RANBP17: variants seen among roughly 807,000 people sequenced by gnomAD.
The protein encoded by RANBP17 is RAN binding protein 17, also known as ran-binding protein 17.
Under a neutral mutation model 141.2 loss-of-function variants are expected in RANBP17, and 158 were observed. That is an observed-to-expected ratio of 1.12 (90% CI 0.98 to 1.28). The LOEUF is 1.28. Among genes scored for constraint, RANBP17 ranks in the 50% most tolerant of loss-of-function variants. The pLI, the probability that RANBP17 is intolerant of heterozygous loss-of-function variation, is 0.00. For synonymous variants in RANBP17, 430 were observed against 450.0 expected, an observed-to-expected ratio of 0.96 and a Z score of 0.56; for missense variants, 1,438 against 1,290.7, an observed-to-expected ratio of 1.11 and a Z score of -1.75.
At chr5:171,201,316 T>C (rs1762284745) in intron 19 of RANBP17, among the ~76,000 whole-genome samples, 1 of 152,214 alleles carries the variant, frequency 6.6e-6, no homozygotes, top group African/African-American at 2.4e-5. Flanking sequence ...GCAAGTTTGA[T>C]GCATGATAAC....
At chr5:171,017,704 G>T (rs933122396) in intron 14 of RANBP17, among the ~76,000 whole-genome samples, 34 of 152,170 alleles carry the variant, frequency 2.2e-4, no homozygotes, top group Admixed American at 2.0e-3. Context: ...TCTATAGGTT[G>T]CCTGTTGACT....
In RANBP17 at chr5:171,183,390, C is replaced by G. The variant is rs1581809592; in HGVS notation, c.1998C>G (p.Thr666=). The change falls in exon 18 of 28, where the codon ACC becomes ACG. Residue 666 remains threonine, a synonymous_variant. Transcript: ENST00000523189. ...HSLSDFRCRT[T]FYTALTRLLM... ...TCAGCGACTTCAGGTGTCGAACAAC[C>G]TTCTACACAGCGCTCACTCGCCTTC... 6.2e-7 allele frequency: 1 copy of G among 1,613,826 alleles called. No individual in the cohort carries two copies. The highest frequency in any genetic ancestry group is 1.1e-5 in the South Asian group (1 of 91,052).
chr5:170,864,971 G>T (rs983469171), intron 1 of RANBP17, among the ~76,000 whole-genome samples: 11 of 152,178 alleles, frequency 7.2e-5, no homozygotes, highest in Non-Finnish European at 1.5e-5. Context: ...CTTCTGTATG[G>T]CAGGCACTGG....
At chr5:170,968,998 A>G (rs1776795594) in intron 14 of RANBP17, among the ~76,000 whole-genome samples, 1 of 151,806 alleles carries the variant, frequency 6.6e-6, no homozygotes, top group African/African-American at 2.4e-5. Context: ...CTTCGCCATA[A>G]GAAGTTCTAA....
chr5:170,892,395 A>G lies in RANBP17; in HGVS notation c.265A>G (p.Ile89Val). The G allele has an allele frequency of 6.2e-7, 1 of 1,607,844 alleles. No homozygotes were observed. Among genetic ancestry groups the G allele is most frequent in the Non-Finnish European group, 8.5e-7 (1 of 1,177,584 alleles). ...VEQRMDIRNYILNYVASQPKL... is the reference protein window; with the variant it reads ...VEQRMDIRNYVLNYVASQPKL... ...GAGTGTTTTCTTTGTAGGAAACTAC[A>G]TTCTGAATTACGTGGCATCACAGCC... The change falls in exon 4 of 28, where the codon ATT becomes GTT. Residue 89 changes from isoleucine to valine, a missense_variant. By Grantham distance (29) the Ile-to-Val change is conservative. Coordinates refer to ENST00000523189, the MANE Select transcript of RANBP17 (RefSeq NM_022897.5).
At chr5:170,938,405 A>T (rs1347425213) in intron 12 of RANBP17, among the ~76,000 whole-genome samples, 2 of 152,228 alleles carry the variant, frequency 1.3e-5, no homozygotes, top group African/African-American at 2.4e-5. Flanking sequence ...TAGTAAACAA[A>T]AACAATAAAA....
At chr5:171,159,767 C>G (rs942697362) in intron 14 of RANBP17, among the ~76,000 whole-genome samples, 5 of 151,442 alleles carry the variant, frequency 3.3e-5, no homozygotes, top group Non-Finnish European at 5.9e-5. Context: ...TAAAAAAATA[C>G]AAAAACTTAG....
chr5:170,923,099 TTTC>T (rs1476239234), intron 11 of RANBP17, among the ~76,000 whole-genome samples: 1 of 152,194 alleles, frequency 6.6e-6, no homozygotes, highest in Non-Finnish European at 1.5e-5. Flanking sequence ...CACAGAGATT[TTTC>T]TTTTATTTTC....
chr5:170,874,454 G>C (rs1001662032), intron 1 of RANBP17, among the ~76,000 whole-genome samples: 11 of 152,176 alleles, frequency 7.2e-5, no homozygotes, highest in African/African-American at 2.7e-4. Context: ...CTATTATTGT[G>C]TGGGAGTCTA....
intron 18 of RANBP17, among the ~76,000 whole-genome samples, chr5:171,198,117 T>C (rs970977367): frequency 6.6e-6 from 1 of 152,204 alleles, no homozygotes; most frequent in African/African-American, 2.4e-5. Context: ...AAAGCTTAGC[T>C]TAGACATTGG....
chr5:171,086,314 C>T (rs1785649705), intron 14 of RANBP17, among the ~76,000 whole-genome samples: 1 of 149,846 alleles, frequency 6.7e-6, no homozygotes, highest in African/African-American at 2.5e-5. Flanking sequence ...GGGATGAAGC[C>T]CACTTGATCA....
intron 22 of RANBP17, among the ~76,000 whole-genome samples, chr5:171,227,231 A>G (rs867920329): frequency 3.1e-4 from 48 of 152,384 alleles, no homozygotes; most frequent in African/African-American, 1.1e-3. Flanking sequence ...CAAACAGCCA[A>G]GTGGTGAATG....
chr5:171,072,083 C>T (rs977423191), intron 14 of RANBP17, among the ~76,000 whole-genome samples: 2 of 152,008 alleles, frequency 1.3e-5, no homozygotes, highest in African/African-American at 4.8e-5. Context: ...ACCCCCATCA[C>T]CCAAAGATGC....
At position 171,213,724 on chromosome 5, in the gene RANBP17, A is replaced by G; in HGVS notation, c.2325A>G (p.Glu775=). The part of the protein sequence containing the change: ...CTTPILKLMA[E]LMQNRSQRLN... Reference sequence around the variant, plus strand: ...CTCCCATCTTGAAACTTATGGCAGAACTTATGCAAAACAGGTAAGCAGTGT... The same window carrying G: ...CTCCCATCTTGAAACTTATGGCAGAGCTTATGCAAAACAGGTAAGCAGTGT... The change falls in exon 21 of 28, where the codon GAA becomes GAG. Residue 775 remains glutamate (E), a synonymous_variant. Transcript: ENST00000523189. 6.2e-7 allele frequency: 1 copy of G among 1,612,156 alleles called. No homozygotes were observed. Among genetic ancestry groups the G allele is most frequent in the Non-Finnish European group, 8.5e-7 (1 of 1,178,288 alleles).
intron 14 of RANBP17, among the ~76,000 whole-genome samples, chr5:171,074,798 T>G (rs531626125): frequency 1.3e-5 from 2 of 152,336 alleles, no homozygotes; most frequent in Non-Finnish European, 2.9e-5. Flanking sequence ...GGGCTCTTTA[T>G]AAATTATATC....
intron 14 of RANBP17, among the ~76,000 whole-genome samples, chr5:171,074,894 T>C (rs2127698827): frequency 6.6e-6 from 1 of 152,314 alleles, no homozygotes; most frequent in African/African-American, 2.4e-5. Context: ...TAAAAGTTGG[T>C]TGTTGTCTTC....
At chr5:171,063,611 G>T (rs182157519) in intron 14 of RANBP17, among the ~76,000 whole-genome samples, 31 of 152,320 alleles carry the variant, frequency 2.0e-4, no homozygotes, top group African/African-American at 7.0e-4. Flanking sequence ...GGGGTCAGGG[G>T]TCAGGGACCG....
At chr5:170,868,246 T>TTGTG (rs143501325) in intron 1 of RANBP17, among the ~76,000 whole-genome samples, 2 of 151,808 alleles carry the variant, frequency 1.3e-5, no homozygotes, top group African/African-American at 2.4e-5. Context: ...CTGTCTGTTT[T>TTGTG]TGTGTGTGTG....
chr5:171,093,006 A>G (rs1581618060), intron 14 of RANBP17, among the ~76,000 whole-genome samples: 2 of 152,330 alleles, frequency 1.3e-5, no homozygotes, highest in Admixed American at 1.3e-4. Flanking sequence ...TTGTAAAGTC[A>G]AATTCCTGCC....
Sources: allele counts gnomAD v4.1 joint callset (sites outside exome capture counted in the v4.1 genomes callset), GRCh38; gene constraint gnomAD v4.1.1; transcripts MANE v1.5; gene names NCBI Gene and HGNC (gene_info 2026-07-23, HGNC 2026-07-21).